The following GLRB variants were observed in gnomAD, a reference collection of about 807,000 sequenced individuals.
The protein encoded by GLRB is glycine receptor beta.
A neutral mutation model predicts 54.2 loss-of-function variants in GLRB; 33 were observed. The ratio of observed to expected loss-of-function variants is 0.61; its 90% CI spans 0.46 to 0.81. The LOEUF (loss-of-function observed/expected upper bound fraction) is 0.81. Among genes scored for constraint, GLRB ranks in the 40% least tolerant of loss-of-function variants. The pLI, the probability that GLRB is intolerant of heterozygous loss-of-function variation, is 0.00. For missense variants in GLRB, 572 were observed against 584.6 expected (o/e 0.98, Z 0.22); for synonymous variants, 209 against 208.2 (o/e 1.00, Z -0.03).
intron 2 of GLRB, among the ~76,000 whole-genome samples, chr4:157,120,246 G>C (rs1023418649): frequency 4.8e-5 from 5 of 104,278 alleles, no homozygotes; most frequent in Admixed American, 1.2e-4. Context: ...GGTGGGGGGA[G>C]GGGGGTGGGA....
chr4:157,128,658 A>G (rs946679486), intron 4 of GLRB, among the ~76,000 whole-genome samples: 2 of 151,874 alleles, frequency 1.3e-5, no homozygotes, highest in African/African-American at 4.8e-5. Flanking sequence ...GAAATGGACT[A>G]TGAACATAGA....
chr4:157,136,967 C>A, intron 6 of GLRB, 81 bp downstream of exon 6: 1 of 826,018 alleles, frequency 1.2e-6, no homozygotes, highest in Non-Finnish European at 2.1e-6. Flanking sequence ...ACATCTTAGA[C>A]AACAGTGGTA....
intron 2 of GLRB, among the ~76,000 whole-genome samples, chr4:157,114,280 G>A (rs1035283757): frequency 1.3e-5 from 2 of 150,926 alleles, no homozygotes; most frequent in Admixed American, 6.6e-5. Flanking sequence ...GTGGATTTTG[G>A]AAGGAGAGAG....
intron 7 of GLRB, 87 bp from the exon 8 acceptor site, chr4:157,143,720 T>A: frequency 3.8e-6 from 5 of 1,328,560 alleles, no homozygotes; most frequent in Non-Finnish European, 5.3e-6. Flanking sequence ...CAGATGGAAG[T>A]GACTTACCGT....
Position 157,170,556 on chromosome 4 carries a change from C to A in GLRB, c.1322C>A (p.Pro441His). Reference sequence around the variant, plus strand: ...TCCAATTATGACTGCTATGGAAAACCCATTGAAGTTAACAACGGACTTGGG... The same window carrying A: ...TCCAATTATGACTGCTATGGAAAACACATTGAAGTTAACAACGGACTTGGG... ...ELSNYDCYGK[P>H]IEVNNGLGKS... The change falls in exon 10 of 10, where the codon CCC (proline) becomes CAC (histidine). Residue 441 changes from proline (P) to histidine (H), a missense_variant. Transcript: ENST00000264428. 2 of 1,613,064 alleles carry A rather than the reference C, an allele frequency of 1.2e-6. No homozygotes were observed. The highest frequency in any genetic ancestry group is 1.7e-6 in the Non-Finnish European group (2 of 1,179,314).
chr4:157,149,946 G>A (rs1192873535), intron 8 of GLRB, among the ~76,000 whole-genome samples: 1 of 151,138 alleles, frequency 6.6e-6, no homozygotes, highest in African/African-American at 2.4e-5. Flanking sequence ...ATGCTGTTAG[G>A]GAATTATTTT....
intron 4 of GLRB, among the ~76,000 whole-genome samples, chr4:157,124,911 C>A (rs1170947244): frequency 6.6e-6 from 1 of 151,696 alleles, no homozygotes; most frequent in African/African-American, 2.4e-5. Flanking sequence ...ATTTTATATA[C>A]CTTTATAAAG....
chr4:157,079,665 A>C (rs1258121044), intron 2 of GLRB, among the ~76,000 whole-genome samples: 1 of 152,142 alleles, frequency 6.6e-6, no homozygotes, highest in African/African-American at 2.4e-5. Context: ...AGCTGGGAAC[A>C]ATGGAGGCAG....
At chr4:157,130,148 T>C (rs1736160420) in intron 4 of GLRB, among the ~76,000 whole-genome samples, 1 of 151,738 alleles carries the variant, frequency 6.6e-6, no homozygotes, top group Admixed American at 6.6e-5. Context: ...CTATCTTATA[T>C]GGAAGGGAAC....
chr4:157,158,013 T>C (rs1737303487), intron 9 of GLRB, among the ~76,000 whole-genome samples: 1 of 152,136 alleles, frequency 6.6e-6, no homozygotes, highest in African/African-American at 2.4e-5. Flanking sequence ...GTTTCCTGAC[T>C]TTAATGATCA....
chr4:157,155,765 G>A (rs1286832734), intron 9 of GLRB, among the ~76,000 whole-genome samples: 3 of 152,148 alleles, frequency 2.0e-5, no homozygotes, highest in Admixed American at 6.5e-5. Context: ...ACATGTCTCT[G>A]TGTGGATTTC....
chr4:157,143,712 G>T (rs1736699289), intron 7 of GLRB, 95 bp from the exon 8 acceptor site: 4 of 1,244,694 alleles, frequency 3.2e-6, no homozygotes, highest in Admixed American at 2.0e-5. Context: ...AATTGCCTCA[G>T]ATGGAAGTGA....
chr4:157,098,224 G>C lies in GLRB; in HGVS notation c.122+20078G>C, dbSNP rs947872452. 3.9e-5 allele frequency among the ~76,000 whole-genome samples: 6 copies of C among 152,184 alleles called. 1 individual carries two copies. In the South Asian group the frequency reaches 1.2e-3, roughly 32 times the overall value. ...TATCTGTGAGATTTCATCCATGCTT[G>C]TTGGTATAGGAGTAGTTCCTCCCTT... On this transcript the variant is annotated intron_variant, in intron 2 of 9. Transcript: ENST00000264428.
In GLRB at chr4:157,138,760, G is replaced by A. The variant is rs760331467; in HGVS notation, c.611-49G>A. The stretch of plus-strand genomic sequence containing the variant: ...TTTGAATTATGAAAATATTTAAAAA[G>A]CATTATTAATTATATTTTAAACTAA... On this transcript the variant is annotated intron_variant, in intron 6 of 9. Transcript: ENST00000264428. 9 of 891,460 alleles carry A rather than the reference G, an allele frequency of 1.0e-5. No homozygotes were observed. In the Admixed American group the frequency reaches 1.5e-4, roughly 14 times the overall value. 55.2% of individuals were successfully genotyped at this position (891,460 alleles called of 1,614,324 possible).
intron 4 of GLRB, among the ~76,000 whole-genome samples, chr4:157,128,657 TATGAAC>T (rs1232199490): frequency 2.0e-5 from 3 of 151,856 alleles, no homozygotes; most frequent in Non-Finnish European, 4.4e-5. Context: ...AGAAATGGAC[TATGAAC>T]ATAGATCTAG....
intron 2 of GLRB, among the ~76,000 whole-genome samples, chr4:157,090,588 C>T (rs1443225024): frequency 2.0e-5 from 3 of 152,144 alleles, no homozygotes; most frequent in African/African-American, 7.2e-5. Flanking sequence ...TAGTTTCTTA[C>T]AAGAGAGGTG....
At chr4:157,155,556 T>G (rs552038036) in intron 9 of GLRB, among the ~76,000 whole-genome samples, 1 of 152,356 alleles carries the variant, frequency 6.6e-6, no homozygotes, top group East Asian at 1.9e-4. Flanking sequence ...GATGTAGGAT[T>G]GTAAGGTTAC....
intron 2 of GLRB, among the ~76,000 whole-genome samples, chr4:157,101,219 A>T (rs1735014135): frequency 6.6e-6 from 1 of 152,264 alleles, no homozygotes; most frequent in Non-Finnish European, 1.5e-5. Flanking sequence ...AACAGTACTG[A>T]ATACTGTATC....
At chr4:157,089,311 A>AGGTTG (rs1391225016) in intron 2 of GLRB, among the ~76,000 whole-genome samples, 3 of 152,112 alleles carry the variant, frequency 2.0e-5, no homozygotes, top group Non-Finnish European at 4.4e-5. Context: ...AGGTGGGAGA[A>AGGTTG]TCACCTGAGT....
Sources: gnomAD v4.1 joint callset for allele counts (sites outside exome capture counted in the v4.1 genomes callset) on GRCh38, gnomAD v4.1.1 for gene constraint, MANE v1.5 for transcripts, NCBI Gene and HGNC (gene_info 2026-07-23, HGNC 2026-07-21) for gene names.